PDCD6IP: variants seen among roughly 807,000 people sequenced by gnomAD.
PDCD6IP encodes programmed cell death 6-interacting protein.
Under a neutral mutation model 103.7 loss-of-function variants are expected in PDCD6IP, and 43 were observed. That is an observed-to-expected ratio of 0.41 (90% CI 0.32 to 0.53). The LOEUF is 0.53. PDCD6IP is among the 20% of genes least tolerant of loss of function. PDCD6IP has a pLI of 0.16. For synonymous variants in PDCD6IP, 354 were observed against 378.7 expected (o/e 0.93, Z 0.76); for missense variants, 871 against 1,036.7 (o/e 0.84, Z 2.20).
At position 33,845,573 on chromosome 3, in the gene PDCD6IP, C is replaced by A. The variant is rs773341460; in HGVS notation, c.1626C>A (p.Thr542=). The A allele has an allele frequency of 1.7e-5, 27 of 1,607,548 alleles. No individual in the cohort carries two copies. In the South Asian group the frequency reaches 2.4e-4, roughly 15 times the overall value. ...TCCCTTCTGCTAATCCAGCAAAGAC[C>A]ATGCAGGGCAGTGAGGTAAGAAGGA... ...AAIPSANPAK[T]MQGSEVVNVL... The change falls in exon 12 of 18, where the codon ACC becomes ACA. Residue 542 remains threonine, a synonymous_variant. Transcript: ENST00000307296.
intron 15 of PDCD6IP, among the ~76,000 whole-genome samples, chr3:33,861,991 A>C (rs1327467371): frequency 6.6e-6 from 1 of 152,070 alleles, no homozygotes; most frequent in East Asian, 1.9e-4. Flanking sequence ...GCTCTTTTAC[A>C]TTATTGATTT....
At chr3:33,840,477 C>CAGAA (rs1697444476) in intron 9 of PDCD6IP, among the ~76,000 whole-genome samples, 1 of 152,162 alleles carries the variant, frequency 6.6e-6, no homozygotes, top group African/African-American at 2.4e-5. Flanking sequence ...CTTGCCTTTT[C>CAGAA]ATGTTTTTAG....
chr3:33,844,874 A>T (rs75335713), intron 11 of PDCD6IP, among the ~76,000 whole-genome samples: 1 of 152,082 alleles, frequency 6.6e-6, no homozygotes, highest in African/African-American at 2.4e-5. Context: ...TGGTAAAAAA[A>T]AAAATGAGCT....
Position 33,855,255 on chromosome 3 carries a change from C to T in PDCD6IP, c.2115C>T (p.Leu705=), listed in dbSNP as rs1271545943. 1.3e-6 allele frequency: 2 copies of T among 1,574,412 alleles called. No individual in the cohort carries two copies. The highest frequency in any genetic ancestry group is 1.7e-6 in the Non-Finnish European group (2 of 1,144,446). ...VFARKTERDE[L]LKDLQQSIAR... Reference sequence around the variant, plus strand: ...CACGGAAGACAGAAAGAGATGAACTCTTAAAGTAAGTCTGTTTTGTGTACC... The same window carrying T: ...CACGGAAGACAGAAAGAGATGAACTTTTAAAGTAAGTCTGTTTTGTGTACC... Residue 705 remains leucine (L), a synonymous_variant, in exon 15 of 18, where the codon CTC becomes CTT. Transcript: ENST00000307296.
intron 1 of PDCD6IP, among the ~76,000 whole-genome samples, chr3:33,804,820 G>A (rs1266987586): frequency 1.3e-5 from 2 of 152,192 alleles, no homozygotes; most frequent in African/African-American, 4.8e-5. Flanking sequence ...GATTTTTCAT[G>A]TGTTAAATTG....
At chr3:33,814,144 C>CTTTTT (rs79094226) in intron 3 of PDCD6IP, among the ~76,000 whole-genome samples, 1 of 136,236 alleles carries the variant, frequency 7.3e-6, no homozygotes, top group Admixed American at 7.4e-5. Context: ...TCATTGGATT[C>CTTTTT]TTTTTTTTTT....
intron 15 of PDCD6IP, among the ~76,000 whole-genome samples, chr3:33,859,293 G>A (rs752906199): frequency 2.5e-4 from 38 of 152,078 alleles, no homozygotes; most frequent in Non-Finnish European, 4.7e-4. Context: ...GGAGAATTCC[G>A]TAATAAAGCT....
chr3:33,844,296 T>C (rs1697543477), intron 11 of PDCD6IP, 73 bp downstream of exon 11: 1 of 743,444 alleles, frequency 1.3e-6, no homozygotes, highest in East Asian at 2.9e-5. Context: ...TTGATTAAAT[T>C]AGGCTCAGTT....
At chr3:33,818,513 C>CTTTTTTTTT (rs61405380) in intron 3 of PDCD6IP, among the ~76,000 whole-genome samples, 4 of 89,274 alleles carry the variant, frequency 4.5e-5, no homozygotes, top group Admixed American at 1.5e-4. Flanking sequence ...TGATCCCTTG[C>CTTTTTTTTT]TTTTTTTTTT....
chr3:33,825,470 A>C lies in PDCD6IP; in HGVS notation c.616+130A>C, dbSNP rs1211546980. ...TGAACTTGATACATGAATTATGGAA[A>C]ATTTTCAGCTATCCTTTTCTGAATT... On this transcript the variant is annotated intron_variant, in intron 5 of 17. Coordinates refer to ENST00000307296, the MANE Select transcript of PDCD6IP (RefSeq NM_013374.6). The C allele has an allele frequency of 4.2e-6, 3 of 719,450 alleles. No individual in the cohort carries two copies. The South Asian group carries it at 7.1e-5, about 17-fold the overall frequency. The allele number at this position is 719,450 out of a possible 1,614,324, so 44.6% of individuals were successfully genotyped here. A position where few individuals can be genotyped will look rare whatever the true frequency, so the allele number is the denominator to read the frequency against.
At chr3:33,839,257 CTTAAGTTTAGTT>C (rs1697418599) in intron 9 of PDCD6IP, among the ~76,000 whole-genome samples, 1 of 152,164 alleles carries the variant, frequency 6.6e-6, no homozygotes, top group African/African-American at 2.4e-5. Flanking sequence ...TGCTCCCTGT[CTTAAGTTTAGTT>C]TTACTTTTTA....
At chr3:33,842,787 T>A (rs1016277899) in intron 10 of PDCD6IP, among the ~76,000 whole-genome samples, 1 of 152,220 alleles carries the variant, frequency 6.6e-6, no homozygotes, top group Admixed American at 6.5e-5. Context: ...TACAGTATTA[T>A]TACTCAGATT....
intron 12 of PDCD6IP, among the ~76,000 whole-genome samples, chr3:33,846,965 A>G (rs1697606237): frequency 6.6e-6 from 1 of 152,210 alleles, no homozygotes; most frequent in Admixed American, 6.5e-5. Context: ...TTGAATGTGC[A>G]TTGAACCTGG....
chr3:33,865,387 CAG>C lies in PDCD6IP; in HGVS notation c.2390_2391del (p.Gln797ArgfsTer25). ...SQTPGSAPPPQAQGPPYPTYP... is the reference protein window; with the variant it reads ...SQTPGSAPPPXAQGPPYPTYP... ...AACGCCTGGCTCAGCTCCTCCTCCACAGGCGCAGGGACCACCCTATCCCACCT... is the reference window on the plus strand; with the variant it reads ...AACGCCTGGCTCAGCTCCTCCTCCACGCGCAGGGACCACCCTATCCCACCT... On this transcript the variant is annotated frameshift_variant, in exon 17 of 18. Transcript: ENST00000307296. LOFTEE classifies it high-confidence loss of function. 1 of 1,600,722 alleles carries C rather than the reference CAG, an allele frequency of 6.2e-7. No individual in the cohort carries two copies. The highest frequency in any genetic ancestry group is 8.5e-7 in the Non-Finnish European group (1 of 1,174,198).
Position 33,852,473 on chromosome 3 carries a change from G to A in PDCD6IP, c.1642-15G>A, listed in dbSNP as rs1289771634. 8.8e-6 allele frequency: 10 copies of A among 1,140,236 alleles called. No homozygotes were observed. Among genetic ancestry groups the A allele is most frequent in the Non-Finnish European group, 1.0e-5 (9 of 881,704 alleles). 70.6% of individuals were successfully genotyped at this position (1,140,236 alleles called of 1,614,324 possible). On this transcript the variant is annotated splice_polypyrimidine_tract_variant and intron_variant, in intron 12 of 17. Transcript: ENST00000307296. ...TTTTTTTTTGCAGTTAAACTAAGGT[G>A]TCTTTTTTGTTTAGGTTGTAAATGT... is the stretch of plus-strand genomic sequence containing the variant.
chr3:33,852,925 CTTT>C (rs200568485), intron 13 of PDCD6IP, among the ~76,000 whole-genome samples, 189 bp downstream of exon 13: 4 of 119,648 alleles, frequency 3.3e-5, no homozygotes, highest in African/African-American at 3.0e-5. Flanking sequence ...AAAGTCACTT[CTTT>C]TTTTTTTTTT....
intron 1 of PDCD6IP, among the ~76,000 whole-genome samples, chr3:33,801,669 T>G (rs1215102989): frequency 6.6e-6 from 1 of 152,214 alleles, no homozygotes; most frequent in Non-Finnish European, 1.5e-5. Flanking sequence ...TATATGATAC[T>G]TCTTCCTTTA....
intron 1 of PDCD6IP, among the ~76,000 whole-genome samples, chr3:33,807,692 A>G (rs1274711051): frequency 6.6e-6 from 1 of 152,148 alleles, no homozygotes; most frequent in Non-Finnish European, 1.5e-5. Flanking sequence ...TCTTTGGAGA[A>G]TGTCTCCAGG....
chr3:33,819,438 TCTTC>T (rs554246722), intron 3 of PDCD6IP, among the ~76,000 whole-genome samples: 10 of 152,232 alleles, frequency 6.6e-5, no homozygotes, highest in Non-Finnish European at 1.2e-4. Flanking sequence ...TTCGCATTGC[TCTTC>T]CTTTATTTTG....
Sources: gnomAD v4.1 joint callset for allele counts (sites outside exome capture counted in the v4.1 genomes callset) on GRCh38, gnomAD v4.1.1 for gene constraint, MANE v1.5 for transcripts, NCBI Gene and HGNC (gene_info 2026-07-23, HGNC 2026-07-21) for gene names.